SLC2A13: variants seen among roughly 807,000 people sequenced by gnomAD.
The protein encoded by SLC2A13 is solute carrier family 2 member 13, also known as proton myo-inositol cotransporter.
Under a neutral mutation model 64.4 loss-of-function variants are expected in SLC2A13, and 32 were observed. The observed-to-expected ratio is 0.50, with a 90% CI of 0.37 to 0.67. The LOEUF (loss-of-function observed/expected upper bound fraction) is 0.67. Among genes scored for constraint, SLC2A13 ranks in the 30% least tolerant of loss-of-function variants. The probability of loss-of-function intolerance (pLI) is 0.00; values close to 1 mark genes in which losing one functional copy is unlikely to be tolerated. For synonymous variants in SLC2A13, 338 were observed against 327.1 expected (o/e 1.03, Z -0.36); for missense variants, 743 against 829.2 (o/e 0.90, Z 1.28).
chr12:40,021,736 A>G (rs1947722532), intron 3 of SLC2A13, among the ~76,000 whole-genome samples: 1 of 152,238 alleles, frequency 6.6e-6, no homozygotes, highest in South Asian at 2.1e-4. Context: ...ACACTGTAGT[A>G]CTACCACATG....
At chr12:40,014,040 T>C (rs555801437) in intron 3 of SLC2A13, among the ~76,000 whole-genome samples, 2 of 152,350 alleles carry the variant, frequency 1.3e-5, no homozygotes, top group African/African-American at 4.8e-5. Flanking sequence ...CTTGCTTCCT[T>C]ATTTGAGTAC....
In SLC2A13 at chr12:39,764,871, G is replaced by T. The variant is rs771752724; in HGVS notation, c.1446-13C>A. 6.2e-6 allele frequency: 10 copies of T among 1,609,238 alleles called. No individual in the cohort carries two copies. In the African/African-American group the frequency reaches 1.1e-4, roughly 17 times the overall value. On this transcript the variant is annotated splice_polypyrimidine_tract_variant and intron_variant, in intron 7 of 9. Coordinates refer to ENST00000280871, the MANE Select transcript of SLC2A13 (RefSeq NM_052885.4). ...TTCATTTTCACACCTGAAAAATAAT[G>T]CAATATAAGTATTAACTTAATGTTT... is the stretch of plus-strand genomic sequence containing the variant.
At chr12:40,092,987 A>G (rs1938816535) in intron 1 of SLC2A13, among the ~76,000 whole-genome samples, 1 of 152,244 alleles carries the variant, frequency 6.6e-6, no homozygotes, top group Non-Finnish European at 1.5e-5. Context: ...GAATAGATAT[A>G]TCCCACGTAA....
chr12:39,817,033 G>T (rs1942359337), intron 7 of SLC2A13, among the ~76,000 whole-genome samples: 1 of 151,170 alleles, frequency 6.6e-6, no homozygotes, highest in Admixed American at 6.6e-5. Context: ...CAAATGCCTT[G>T]AGGGAAAAAA....
At chr12:40,069,866 C>T (rs11175023) in intron 1 of SLC2A13, among the ~76,000 whole-genome samples, 20,781 of 151,972 alleles carry the variant, frequency 0.14, 1,886 homozygotes, top group African/African-American at 0.25. Flanking sequence ...CTGTGCACCC[C>T]TAACTTTTTG....
intron 4 of SLC2A13, among the ~76,000 whole-genome samples, chr12:39,930,906 C>T (rs1337005393): frequency 6.6e-6 from 1 of 152,134 alleles, no homozygotes; most frequent in African/African-American, 2.4e-5. Flanking sequence ...GATTCATACC[C>T]TACAATTAAA....
At chr12:40,081,802 G>A (rs1053859442) in intron 1 of SLC2A13, among the ~76,000 whole-genome samples, 3 of 152,202 alleles carry the variant, frequency 2.0e-5, no homozygotes, top group African/African-American at 4.8e-5. Context: ...TCATCTGTGT[G>A]AGATGATGTT....
At position 39,895,800 on chromosome 12, in the gene SLC2A13, ATGCGTG is replaced by A. The variant is rs1409494565; in HGVS notation, c.1035-23845_1035-23840del. ...TGCGTGTATACGTACACACATGTAT[ATGCGTG>A]TATACGTACACACATGTATATGCGT... On this transcript the variant is annotated intron_variant, in intron 4 of 9. Transcript: ENST00000280871. Among the ~76,000 whole-genome samples, 29 of 95,756 alleles carry A rather than the reference ATGCGTG, an allele frequency of 3.0e-4. 9 individuals carry two copies. The highest frequency in any genetic ancestry group is 1.3e-3 in the African/African-American group (29 of 23,096). The allele number at this position is 95,756 out of a possible 152,430, so 62.8% of individuals were successfully genotyped here.
chr12:39,820,539 G>A (rs994067948), intron 7 of SLC2A13, among the ~76,000 whole-genome samples: 2 of 151,920 alleles, frequency 1.3e-5, no homozygotes, highest in Non-Finnish European at 2.9e-5. Context: ...AAGAGAGTAG[G>A]AAGGACCTGG....
chr12:39,960,862 C>T (rs1295898436), intron 3 of SLC2A13, among the ~76,000 whole-genome samples: 14 of 144,512 alleles, frequency 9.7e-5, no homozygotes, highest in Non-Finnish European at 6.0e-5. Context: ...ATTCTCCTTT[C>T]TCGACCTCTC....
At chr12:39,826,923 G>T (rs1430777329) in intron 7 of SLC2A13, among the ~76,000 whole-genome samples, 1 of 124,554 alleles carries the variant, frequency 8.0e-6, no homozygotes. Context: ...ACACCTGGTG[G>T]CTTCCTTGCC....
intron 6 of SLC2A13, among the ~76,000 whole-genome samples, chr12:39,842,980 G>T (rs751922774): frequency 6.6e-6 from 1 of 151,900 alleles, no homozygotes; most frequent in Admixed American, 6.6e-5. Flanking sequence ...TCCACTGTAG[G>T]ATATATCACA....
chr12:39,765,631 T>C (rs1374764244), intron 7 of SLC2A13, among the ~76,000 whole-genome samples: 2 of 152,096 alleles, frequency 1.3e-5, no homozygotes, highest in East Asian at 3.9e-4. Flanking sequence ...CATCATAACA[T>C]TCCACCTGTC....
intron 3 of SLC2A13, among the ~76,000 whole-genome samples, chr12:39,952,587 T>G (rs1300225545): frequency 6.6e-6 from 1 of 152,182 alleles, no homozygotes; most frequent in Non-Finnish European, 1.5e-5. Context: ...TACATGGATA[T>G]AAGTATAATC....
chr12:40,078,605 T>C (rs939193332), intron 1 of SLC2A13, among the ~76,000 whole-genome samples: 5 of 152,172 alleles, frequency 3.3e-5, no homozygotes, highest in African/African-American at 1.2e-4. Context: ...TTTCATCTTT[T>C]ATTGTGTCTG....
At chr12:39,822,181 C>G (rs560716008) in intron 7 of SLC2A13, among the ~76,000 whole-genome samples, 21 of 149,236 alleles carry the variant, frequency 1.4e-4, no homozygotes, top group East Asian at 6.0e-4. Flanking sequence ...TTGGTTTTTT[C>G]TTCTTGCGAT....
rs369102898 is a variant in SLC2A13 at position 39,882,842 on chromosome 12, AAC to A, written c.1035-10883_1035-10882del. Among the ~76,000 whole-genome samples, 16 of 152,294 alleles carry A rather than the reference AAC, an allele frequency of 1.1e-4. No individual in the cohort carries two copies. In the East Asian group the frequency reaches 2.5e-3, roughly 24 times the overall value. ...GAAATTTATCTATACCTCTTTTAGTAACACACACCACTTTGTTTCTGGTACTA... is the reference window on the plus strand; with the variant it reads ...GAAATTTATCTATACCTCTTTTAGTAACACACCACTTTGTTTCTGGTACTA... On this transcript the variant is annotated intron_variant, in intron 4 of 9. Coordinates refer to ENST00000280871, the MANE Select transcript of SLC2A13 (RefSeq NM_052885.4).
chr12:39,961,899 A>C (rs958371383), intron 3 of SLC2A13, among the ~76,000 whole-genome samples: 1 of 152,030 alleles, frequency 6.6e-6, no homozygotes, highest in Non-Finnish European at 1.5e-5. Context: ...TCCTGGGCTC[A>C]AGCAATCCTC....
intron 1 of SLC2A13, among the ~76,000 whole-genome samples, chr12:40,079,899 G>C (rs979901439): frequency 6.6e-6 from 1 of 152,110 alleles, no homozygotes; most frequent in African/African-American, 2.4e-5. Context: ...GTCTCACTCT[G>C]TGCCACCCAG....
Sources: allele counts gnomAD v4.1 joint callset (sites outside exome capture counted in the v4.1 genomes callset), GRCh38; gene constraint gnomAD v4.1.1; transcripts MANE v1.5; gene names NCBI Gene and HGNC (gene_info 2026-07-23, HGNC 2026-07-21).